P3H2: variants seen among roughly 807,000 people sequenced by gnomAD.
P3H2 encodes leprecan-like 1.
Under a neutral mutation model 87.0 loss-of-function variants are expected in P3H2, and 80 were observed. The observed-to-expected ratio is 0.92, with a 90% CI of 0.77 to 1.11. The LOEUF (loss-of-function observed/expected upper bound fraction) is 1.11. Among genes scored for constraint, P3H2 ranks in the 50% least tolerant of loss-of-function variants. The pLI, the probability that P3H2 is intolerant of heterozygous loss-of-function variation, is 0.00. For synonymous variants in P3H2, 367 were observed against 359.3 expected (o/e 1.02, Z -0.24); for missense variants, 1,001 against 923.9 (o/e 1.08, Z -1.08).
chr3:190,105,791 T>G (rs74443594), intron 1 of P3H2, among the ~76,000 whole-genome samples: 3,051 of 152,276 alleles, frequency 0.02, 116 homozygotes, highest in African/African-American at 0.068. Context: ...AGAGCTCTTA[T>G]TAAGTAACTG....
chr3:189,974,998 CT>C (rs1166565394), intron 8 of P3H2, among the ~76,000 whole-genome samples: 5 of 152,180 alleles, frequency 3.3e-5, no homozygotes, highest in African/African-American at 4.8e-5. Flanking sequence ...ATAGGACTCT[CT>C]TCTGAGAAAG....
At chr3:190,012,342 C>T (rs1293143445) in intron 1 of P3H2, among the ~76,000 whole-genome samples, 1 of 151,816 alleles carries the variant, frequency 6.6e-6, no homozygotes, top group Non-Finnish European at 1.5e-5. Context: ...CACACTGCAG[C>T]CAGAGTGATC....
intron 6 of P3H2, among the ~76,000 whole-genome samples, chr3:189,986,005 T>C (rs1723683935): frequency 6.6e-6 from 1 of 152,212 alleles, no homozygotes; most frequent in African/African-American, 2.4e-5. Context: ...AAAAGCTATG[T>C]CTTCATATAA....
chr3:189,968,430 T>A (rs1723067078), intron 13 of P3H2, among the ~76,000 whole-genome samples: 3 of 152,212 alleles, frequency 2.0e-5, no homozygotes, highest in African/African-American at 4.8e-5. Flanking sequence ...GAACTCATCC[T>A]TTTTTATGGC....
At chr3:190,044,287 T>C (rs903530076) in intron 1 of P3H2, among the ~76,000 whole-genome samples, 1 of 152,180 alleles carries the variant, frequency 6.6e-6, no homozygotes, top group African/African-American at 2.4e-5. Flanking sequence ...TGCATAATCC[T>C]AACACATGAC....
rs1053098685 is a variant in P3H2, at chr3:190,081,701, T to G, written c.480+38551A>C. Among the ~76,000 whole-genome samples the G allele has an allele frequency of 2.6e-5, 4 of 152,276 alleles. No homozygotes were observed. The East Asian group carries it at 5.8e-4, about 22-fold the overall frequency. ...CATGCTAGCCCTGCATATTACTGTTTTGCATGCATTAACTTCCTCAAAACC... is the reference window on the plus strand; with the variant it reads ...CATGCTAGCCCTGCATATTACTGTTGTGCATGCATTAACTTCCTCAAAACC... On this transcript the variant is annotated intron_variant, in intron 1 of 14. Coordinates refer to ENST00000319332, the MANE Select transcript of P3H2 (RefSeq NM_018192.4).
chr3:190,024,981 T>C (rs984442702), intron 1 of P3H2, among the ~76,000 whole-genome samples: 6 of 151,634 alleles, frequency 4.0e-5, no homozygotes, highest in Non-Finnish European at 5.9e-5. Flanking sequence ...GACTGACTTA[T>C]CAAAAGACAA....
Position 189,963,947 on chromosome 3 carries a change from G to A in P3H2, c.2034+11C>T, listed in dbSNP as rs778369710. Reference sequence around the variant, plus strand: ...AGCCTAATTGGCTTTCTGGGCGGGTGAGAAACTCACCAATTCTCTATAAAG... The same window carrying A: ...AGCCTAATTGGCTTTCTGGGCGGGTAAGAAACTCACCAATTCTCTATAAAG... On this transcript the variant is annotated intron_variant, in intron 14 of 14. Transcript: ENST00000319332. 2.5e-6 allele frequency: 4 copies of A among 1,614,142 alleles called. No homozygotes were observed. The highest frequency in any genetic ancestry group is 3.4e-6 in the Non-Finnish European group (4 of 1,180,000).
At chr3:190,076,117 A>T (rs1446722894) in intron 1 of P3H2, among the ~76,000 whole-genome samples, 1 of 151,812 alleles carries the variant, frequency 6.6e-6, no homozygotes, top group Non-Finnish European at 1.5e-5. Context: ...TGAACCTTCA[A>T]TGTCAGCAGT....
chr3:190,095,405 A>C (rs78578514), intron 1 of P3H2, among the ~76,000 whole-genome samples: 2,319 of 145,416 alleles, frequency 0.016, 59 homozygotes, highest in African/African-American at 0.056. Flanking sequence ...AAGAAGAGTT[A>C]TACAATGTTC....
chr3:190,118,066 C>G (rs1269837785), intron 1 of P3H2, among the ~76,000 whole-genome samples: 1 of 152,126 alleles, frequency 6.6e-6, no homozygotes, highest in African/African-American at 2.4e-5. Flanking sequence ...TTCCTGTAAT[C>G]AATTCACCAC....
upstream of P3H2, chr3:190,120,898 G>A: frequency 8.8e-7 from 1 of 1,136,136 alleles, no homozygotes; most frequent in South Asian, 1.8e-5. Flanking sequence ...ACTGAGAGGC[G>A]GAGGCCGTGC....
chr3:189,998,322 A>T (rs1724110881), intron 1 of P3H2, among the ~76,000 whole-genome samples: 1 of 152,214 alleles, frequency 6.6e-6, no homozygotes, highest in South Asian at 2.1e-4. Context: ...ATGGAACACA[A>T]ATAAATATTT....
In P3H2 at chr3:190,034,005, T is replaced by C. The variant is rs548319458; in HGVS notation, c.481-38563A>G. Among the ~76,000 whole-genome samples the C allele has an allele frequency of 9.8e-5, 15 of 152,288 alleles. No homozygotes were observed. The East Asian group carries it at 1.3e-3, about 14-fold the overall frequency. ...CTTTTAGATATTTACTTTCCTAACA[T>C]GGGTTTTGCTACAATTTCAAGCTCA... On this transcript the variant is annotated intron_variant, in intron 1 of 14. Coordinates refer to ENST00000319332, the MANE Select transcript of P3H2 (RefSeq NM_018192.4).
Position 189,969,712 on chromosome 3 carries a change from T to A in P3H2, c.1893+1104A>T, listed in dbSNP as rs1723112746. ...CAAGGAGGACACAATCAACATTTTTTATCTTCCCCAAAATTAAGACATCAA... is the reference window on the plus strand; with the variant it reads ...CAAGGAGGACACAATCAACATTTTTAATCTTCCCCAAAATTAAGACATCAA... On this transcript the variant is annotated intron_variant, in intron 13 of 14. Coordinates refer to ENST00000319332, the MANE Select transcript of P3H2 (RefSeq NM_018192.4). The A allele has an allele frequency of 2.1e-6, 3 of 1,459,928 alleles. No homozygotes were observed. The East Asian group carries it at 6.8e-5, about 33-fold the overall frequency. The allele number at this position is 1,459,928 out of a possible 1,614,324, so 90.4% of individuals were successfully genotyped here. A position where few individuals can be genotyped will look rare whatever the true frequency, so the allele number is the denominator to read the frequency against.
At chr3:190,015,321 A>T (rs575389278) in intron 1 of P3H2, among the ~76,000 whole-genome samples, 1 of 152,224 alleles carries the variant, frequency 6.6e-6, no homozygotes, top group Non-Finnish European at 1.5e-5. Context: ...TTTAGTTTCT[A>T]TAAATTCTAA....
intron 4 of P3H2, 157 bp from the exon 5 acceptor site, chr3:189,987,826 T>C (rs1384083907): frequency 1.5e-5 from 12 of 802,508 alleles, no homozygotes; most frequent in Non-Finnish European, 1.8e-5. Flanking sequence ...CAGTCACAGA[T>C]AAAAGGAAAG....
intron 2 of P3H2, among the ~76,000 whole-genome samples, chr3:189,994,508 G>T (rs1229235664): frequency 6.6e-6 from 1 of 152,106 alleles, no homozygotes; most frequent in East Asian, 1.9e-4. Context: ...TGAGCAAATA[G>T]ATTGCTATGT....
chr3:190,044,507 G>T (rs114582878), intron 1 of P3H2, among the ~76,000 whole-genome samples: 3,318 of 152,192 alleles, frequency 0.022, 50 homozygotes, highest in Non-Finnish European at 0.033. Flanking sequence ...AAGAATTCTC[G>T]ACATTGATAT....
Sources: gnomAD v4.1 joint callset for allele counts (sites outside exome capture counted in the v4.1 genomes callset) on GRCh38, gnomAD v4.1.1 for gene constraint, MANE v1.5 for transcripts, NCBI Gene and HGNC (gene_info 2026-07-23, HGNC 2026-07-21) for gene names.